GRIK4: variants seen among roughly 807,000 people sequenced by gnomAD.
GRIK4 encodes the protein glutamate ionotropic receptor kainate type subunit 4.
In GRIK4, 40 loss-of-function variants were observed where a neutral mutation model predicts 104.9. That is an observed-to-expected ratio of 0.38 (90% confidence interval 0.30 to 0.50). The LOEUF is 0.50. Among genes scored for constraint, GRIK4 ranks in the 20% least tolerant of loss-of-function variants. The pLI, the probability that GRIK4 is intolerant of heterozygous loss-of-function variation, is 0.93. For synonymous variants in GRIK4, 485 were observed against 524.9 expected (o/e 0.92, Z 1.04); for missense variants, 1,047 against 1,308.1 (o/e 0.80, Z 3.08).
chr11:120,633,611 A>C (rs956060941), intron 1 of GRIK4, among the ~76,000 whole-genome samples: 3 of 152,242 alleles, frequency 2.0e-5, no homozygotes, highest in Non-Finnish European at 4.4e-5. Context: ...AATTTGAAGC[A>C]TCAAAAGTGT....
chr11:120,620,916 T>C (rs1949178952), intron 1 of GRIK4, among the ~76,000 whole-genome samples: 1 of 152,204 alleles, frequency 6.6e-6, no homozygotes, highest in Non-Finnish European at 1.5e-5. Flanking sequence ...ATTACCCGCC[T>C]CTTACTGTTG....
chr11:120,949,116 T>C (rs1417674034), intron 14 of GRIK4, among the ~76,000 whole-genome samples: 3 of 152,202 alleles, frequency 2.0e-5, no homozygotes, highest in Non-Finnish European at 4.4e-5. Context: ...TCTTCCAGTA[T>C]ATATAGAGTG....
Position 120,511,821 on chromosome 11 carries a change from G to A in GRIK4, c.-225G>A. On this transcript the variant is annotated 5_prime_UTR_variant, in exon 1 of 21. Transcript: ENST00000527524. ...TGCGGAAGAGGAAAAACGGCCAACAGCAGCCCCGCGGCCGGCCCGGCAGCG... is the reference window on the plus strand; with the variant it reads ...TGCGGAAGAGGAAAAACGGCCAACAACAGCCCCGCGGCCGGCCCGGCAGCG... The A allele has an allele frequency of 2.8e-6, 1 of 359,688 alleles. No individual in the cohort carries two copies. The highest frequency in any genetic ancestry group is 3.1e-5 in the Admixed American group (1 of 31,920). The allele number at this position is 359,688 out of a possible 1,614,324, so 22.3% of individuals were successfully genotyped here.
chr11:120,713,494 A>G (rs1035213343), intron 3 of GRIK4, among the ~76,000 whole-genome samples: 1 of 152,224 alleles, frequency 6.6e-6, no homozygotes, highest in South Asian at 2.1e-4. Context: ...TCATGTTGTA[A>G]TTGGCAAATG....
rs566355950 is a variant in GRIK4 at position 120,611,035 on chromosome 11, G to A, written c.-158-42650G>A. Among the ~76,000 whole-genome samples the A allele has an allele frequency of 1.4e-4, 21 of 152,278 alleles. No individual in the cohort carries two copies. The South Asian group carries it at 1.5e-3, about 11-fold the overall frequency. On this transcript the variant is annotated intron_variant, in intron 1 of 20. Transcript: ENST00000527524. Reference sequence around the variant, plus strand: ...AACAGGAAACCAAGGCCCAGTGAGCGGACAAGACTTTGATTTGGATTGACA... The same window carrying A: ...AACAGGAAACCAAGGCCCAGTGAGCAGACAAGACTTTGATTTGGATTGACA...
chr11:120,986,116 C>A lies in GRIK4; in HGVS notation c.2727C>A (p.Ala909=). 6.6e-7 allele frequency: 1 copy of A among 1,515,958 alleles called. No homozygotes were observed. Among genetic ancestry groups the A allele is most frequent in the Non-Finnish European group, 8.8e-7 (1 of 1,139,988 alleles). The allele number at this position is 1,515,958 out of a possible 1,614,324, so 93.9% of individuals were successfully genotyped here. A position where few individuals can be genotyped will look rare whatever the true frequency, so the allele number is the denominator to read the frequency against. Residue 909 remains alanine (A), a synonymous_variant, in exon 21 of 21, where the codon GCC becomes GCA. Coordinates refer to ENST00000527524, the MANE Select transcript of GRIK4 (RefSeq NM_014619.5). Reference sequence around the variant, plus strand: ...TCGCGCAGAGACTGGCGCAGGAGGCCGCCCTGGTGGCCCGCGGCTGCACGC... The same window carrying A: ...TCGCGCAGAGACTGGCGCAGGAGGCAGCCCTGGTGGCCCGCGGCTGCACGC... ...DQLAQRLAQE[A]ALVARGCTHI...
intron 8 of GRIK4, among the ~76,000 whole-genome samples, chr11:120,851,648 C>T (rs920948871): frequency 6.6e-6 from 1 of 152,136 alleles, no homozygotes; most frequent in East Asian, 1.9e-4. Context: ...GTGAGACTAA[C>T]TAAGATCTAA....
chr11:120,820,082 C>T (rs942081521), intron 6 of GRIK4, among the ~76,000 whole-genome samples, 162 bp downstream of exon 6: 9 of 144,734 alleles, frequency 6.2e-5, no homozygotes, highest in African/African-American at 2.0e-4. Flanking sequence ...CTCATGTGTC[C>T]GTGTGTGTGT....
intron 13 of GRIK4, among the ~76,000 whole-genome samples, chr11:120,925,158 C>T (rs1943315200): frequency 6.6e-6 from 1 of 152,146 alleles, no homozygotes; most frequent in Non-Finnish European, 1.5e-5. Flanking sequence ...TCTAGAAGTT[C>T]TCTATGGCTG....
intron 6 of GRIK4, among the ~76,000 whole-genome samples, chr11:120,823,829 A>G (rs1399169870): frequency 1.3e-5 from 2 of 152,238 alleles, no homozygotes; most frequent in African/African-American, 2.4e-5. Flanking sequence ...TGGCAGGCAC[A>G]CAACACAGAG....
At chr11:120,575,346 C>T (rs1565556095) in intron 1 of GRIK4, among the ~76,000 whole-genome samples, 1 of 152,066 alleles carries the variant, frequency 6.6e-6, no homozygotes, top group Non-Finnish European at 1.5e-5. Context: ...GCCTTTTTAC[C>T]TGATTTAATT....
At chr11:120,757,001 A>C (rs1215587818) in intron 3 of GRIK4, among the ~76,000 whole-genome samples, 1 of 152,200 alleles carries the variant, frequency 6.6e-6, no homozygotes, top group Non-Finnish European at 1.5e-5. Context: ...TTCACCCTTG[A>C]GTGAATCAAG....
At chr11:120,910,554 T>C (rs937581776) in intron 13 of GRIK4, among the ~76,000 whole-genome samples, 3 of 152,224 alleles carry the variant, frequency 2.0e-5, no homozygotes, top group Non-Finnish European at 4.4e-5. Flanking sequence ...TGATGTTGTA[T>C]CTCACTGGAG....
chr11:120,973,361 C>T (rs1292553276), intron 19 of GRIK4, among the ~76,000 whole-genome samples: 14 of 152,096 alleles, frequency 9.2e-5, no homozygotes, highest in Admixed American at 9.2e-4. Flanking sequence ...CTCTCTCCAC[C>T]ACACTTTGGG....
intron 12 of GRIK4, among the ~76,000 whole-genome samples, 192 bp downstream of exon 12, chr11:120,898,831 G>T (rs144553285): frequency 1.7e-4 from 26 of 152,288 alleles, no homozygotes; most frequent in African/African-American, 4.8e-4. Flanking sequence ...CAGAGCAGGT[G>T]GGGGGAGGGT....
intron 3 of GRIK4, among the ~76,000 whole-genome samples, chr11:120,719,780 G>A (rs1950897724): frequency 6.6e-6 from 1 of 152,146 alleles, no homozygotes. Context: ...AGAAAGCTAA[G>A]CAACAATGAC....
intron 3 of GRIK4, among the ~76,000 whole-genome samples, chr11:120,715,504 C>T (rs926234509): frequency 1.3e-5 from 2 of 152,132 alleles, no homozygotes; most frequent in Admixed American, 1.3e-4. Flanking sequence ...AAGTGTGTTC[C>T]ACCCCTCCAT....
intron 1 of GRIK4, among the ~76,000 whole-genome samples, chr11:120,553,247 G>C (rs972592804): frequency 6.6e-5 from 10 of 152,208 alleles, no homozygotes; most frequent in Admixed American, 1.3e-4. Flanking sequence ...CTGAGAGTCA[G>C]TGTTGGAGGG....
chr11:120,538,694 C>T (rs1231570201), intron 1 of GRIK4, among the ~76,000 whole-genome samples: 1 of 152,210 alleles, frequency 6.6e-6, no homozygotes, highest in Admixed American at 6.5e-5. Context: ...ACTGGCAGCC[C>T]TCCTGGGTAA....
Sources: gnomAD v4.1 joint callset for allele counts (sites outside exome capture counted in the v4.1 genomes callset) on GRCh38, gnomAD v4.1.1 for gene constraint, MANE v1.5 for transcripts, NCBI Gene and HGNC (gene_info 2026-07-23, HGNC 2026-07-21) for gene names.